Variants in ZNF536 observed in about 807,000 individuals in gnomAD.
ZNF536 encodes the protein zinc finger protein 536.
In ZNF536, 13 loss-of-function variants were observed where a neutral mutation model predicts 84.5. That is an observed-to-expected ratio of 0.15 (90% CI 0.10 to 0.24). The LOEUF is 0.24. ZNF536 is among the 10% of genes least tolerant of loss of function. The pLI, the probability that ZNF536 is intolerant of heterozygous loss-of-function variation, is 1.00. For missense variants in ZNF536, 1,536 were observed against 1,747.5 expected (o/e 0.88, Z 2.16); for synonymous variants, 811 against 742.5 (o/e 1.09, Z -1.50).
chr19:30,613,995 T>G (rs1396989216), intron 1 of ZNF536, among the ~76,000 whole-genome samples: 1 of 152,210 alleles, frequency 6.6e-6, no homozygotes, highest in African/African-American at 2.4e-5. Flanking sequence ...CCCGAGTAGC[T>G]GGGACTACAG....
chr19:30,583,876 C>T (rs1036772307), intron 1 of ZNF536, among the ~76,000 whole-genome samples: 5 of 152,154 alleles, frequency 3.3e-5, no homozygotes, highest in African/African-American at 1.2e-4. Context: ...ACCCGAGAGC[C>T]GTGATTCTGG....
intron 1 of ZNF536, among the ~76,000 whole-genome samples, chr19:30,276,103 G>C (rs913197619): frequency 7.9e-5 from 12 of 152,112 alleles, no homozygotes. Context: ...GGGCCACCGG[G>C]GGAGTGCAGG....
intron 3 of ZNF536, among the ~76,000 whole-genome samples, chr19:30,356,928 T>C (rs533065574): frequency 6.6e-6 from 1 of 152,338 alleles, no homozygotes; most frequent in South Asian, 2.1e-4. Flanking sequence ...TGATCCCTTC[T>C]TCCTGCCTCA....
chr19:30,517,415 G>T (rs1252942483), intron 2 of ZNF536, among the ~76,000 whole-genome samples: 1 of 152,132 alleles, frequency 6.6e-6, no homozygotes, highest in Non-Finnish European at 1.5e-5. Flanking sequence ...AGGTAGTGAG[G>T]GTGGGGAAGG....
chr19:30,484,685 C>CTTTTTTTTTTTTTTTTTTCTTTTTT (rs869242666), intron 2 of ZNF536, among the ~76,000 whole-genome samples: 1 of 120,190 alleles, frequency 8.3e-6, no homozygotes, highest in Admixed American at 8.2e-5. Flanking sequence ...TCTTCTTCTT[C>CTTTTTTTTTTTTTTTTTTCTTTTTT]TTTTTTTTTT....
chr19:30,633,950 C>T (rs964916282), intron 1 of ZNF536, among the ~76,000 whole-genome samples: 9 of 152,052 alleles, frequency 5.9e-5, no homozygotes, highest in Non-Finnish European at 1.2e-4. Context: ...TTTTAATCAG[C>T]ACATCAGTGT....
At chr19:30,589,322 G>T (rs761718071) in intron 1 of ZNF536, among the ~76,000 whole-genome samples, 5 of 152,170 alleles carry the variant, frequency 3.3e-5, no homozygotes, top group Non-Finnish European at 7.3e-5. Context: ...GCTCTTACAG[G>T]CCATGAAAGG....
chr19:30,472,003 C>T (rs1373580254), intron 2 of ZNF536, among the ~76,000 whole-genome samples: 2 of 152,138 alleles, frequency 1.3e-5, no homozygotes, highest in Non-Finnish European at 2.9e-5. Context: ...TAGAGGGGGA[C>T]ACCTGGCCTT....
chr19:30,249,025 C>T (rs191547059), intron 1 of ZNF536, among the ~76,000 whole-genome samples: 1 of 152,294 alleles, frequency 6.6e-6, no homozygotes, highest in African/African-American at 2.4e-5. Context: ...CAGCATTTGA[C>T]TTTTGTGCCT....
At chr19:30,545,700 T>C (rs796507654) in intron 3 of ZNF536, among the ~76,000 whole-genome samples, 11 of 152,238 alleles carry the variant, frequency 7.2e-5, no homozygotes, top group African/African-American at 2.6e-4. Context: ...CTTGGCCTCC[T>C]GTGTGCCTTT....
At chr19:30,417,713 A>T (rs1440748383) in intron 1 of ZNF536, among the ~76,000 whole-genome samples, 3 of 152,108 alleles carry the variant, frequency 2.0e-5, no homozygotes, top group Admixed American at 1.3e-4. Flanking sequence ...TTTTAATTTG[A>T]TGAAAACGTC....
chr19:30,227,310 C>T (rs74807826), upstream of ZNF536, among the ~76,000 whole-genome samples: 4,803 of 152,076 alleles, frequency 0.032, 249 homozygotes, highest in African/African-American at 0.11. Flanking sequence ...CTACTGTGTG[C>T]CTGTTGGAGA....
chr19:30,570,829 G>A (rs2046519569), intron 1 of ZNF536, among the ~76,000 whole-genome samples: 1 of 152,182 alleles, frequency 6.6e-6, no homozygotes, highest in Non-Finnish European at 1.5e-5. Flanking sequence ...CATGAAAATA[G>A]CGTTCGCTGC....
chr19:30,375,830 G>T (rs2048796727), intron 1 of ZNF536, among the ~76,000 whole-genome samples: 1 of 152,222 alleles, frequency 6.6e-6, no homozygotes, highest in South Asian at 2.1e-4. Flanking sequence ...ACCCGTATGT[G>T]GGTGCTATCT....
intron 2 of ZNF536, among the ~76,000 whole-genome samples, chr19:30,296,973 C>A (rs556076256): frequency 2.6e-5 from 4 of 152,306 alleles, no homozygotes; most frequent in East Asian, 1.9e-4. Flanking sequence ...GAGAGTAAAA[C>A]TTCCAGAAGA....
chr19:30,456,520 G>A lies in ZNF536; in HGVS notation c.2170+10788G>A, dbSNP rs371336015. On this transcript the variant is annotated intron_variant, in intron 2 of 4. Coordinates refer to ENST00000355537, the MANE Select transcript of ZNF536 (RefSeq NM_014717.3). Reference sequence around the variant, plus strand: ...TGCGGCTCTAGACTGTTTGTTTTACGCTGGTGTTTGCACCATGAGAAAATC... The same window carrying A: ...TGCGGCTCTAGACTGTTTGTTTTACACTGGTGTTTGCACCATGAGAAAATC... Among the ~76,000 whole-genome samples, 315 of 152,108 alleles carry A rather than the reference G, an allele frequency of 2.1e-3. 2 individuals carry two copies. The highest frequency in any genetic ancestry group is 7.3e-3 in the African/African-American group (303 of 41,482).
At chr19:30,380,305 C>T (rs1438458857) in intron 1 of ZNF536, among the ~76,000 whole-genome samples, 2 of 152,114 alleles carry the variant, frequency 1.3e-5, no homozygotes, top group African/African-American at 2.4e-5. Flanking sequence ...TAGAAATTCA[C>T]ACATGGGGTT....
chr19:30,475,846 G>C (rs980838316), intron 2 of ZNF536, among the ~76,000 whole-genome samples: 1 of 152,170 alleles, frequency 6.6e-6, no homozygotes, highest in Non-Finnish European at 1.5e-5. Flanking sequence ...CCCATGTTCA[G>C]TTCCTGCCCA....
intron 1 of ZNF536, among the ~76,000 whole-genome samples, chr19:30,390,282 T>TA (rs1336181486): frequency 6.6e-6 from 1 of 152,084 alleles, no homozygotes; most frequent in Non-Finnish European, 1.5e-5. Flanking sequence ...ACTTATAAAA[T>TA]AAAAAAATGC....
Sources: allele counts gnomAD v4.1 joint callset (sites outside exome capture counted in the v4.1 genomes callset), GRCh38; gene constraint gnomAD v4.1.1; transcripts MANE v1.5; gene names NCBI Gene and HGNC (gene_info 2026-07-23, HGNC 2026-07-21).